SPI1: variants seen among roughly 807,000 people sequenced by gnomAD.
The protein encoded by SPI1 is transcription factor PU.1.
In SPI1, 3 loss-of-function variants were observed where a neutral mutation model predicts 30.7. That is an observed-to-expected ratio of 0.10 (90% CI 0.04 to 0.25). The LOEUF (loss-of-function observed/expected upper bound fraction) is 0.25, where lower values mean the gene tolerates loss of function less well. Among genes scored for constraint, SPI1 ranks in the 10% least tolerant of loss-of-function variants. The pLI is 1.00. For missense variants in SPI1, 261 were observed against 371.5 expected (o/e 0.70, Z 2.45); for synonymous variants, 169 against 157.1 (o/e 1.08, Z -0.56).
chr11:47,378,423 G>A lies in SPI1; in HGVS notation c.-70C>T. 1.9e-6 allele frequency: 3 copies of A among 1,545,402 alleles called. No individual in the cohort carries two copies. Among genetic ancestry groups the A allele is most frequent in the Non-Finnish European group, 2.6e-6 (3 of 1,134,578 alleles). ...CCAATGCAGAGCCCCTCAGGATGGG[G>A]TGCCCCGTCAGGGGCTGGACGGTCG... On this transcript the variant is annotated 5_prime_UTR_variant, in exon 1 of 5. Coordinates refer to ENST00000378538, the MANE Select transcript of SPI1 (RefSeq NM_003120.3).
chr11:47,371,789 T>C (rs1331908806), intron 2 of SPI1, among the ~76,000 whole-genome samples: 3 of 152,146 alleles, frequency 2.0e-5, no homozygotes, highest in Non-Finnish European at 4.4e-5. Flanking sequence ...CTTCCCATGG[T>C]GTGTATGATA....
At position 47,355,351 on chromosome 11, in the gene SPI1, C is replaced by A. The variant is rs765064980; in HGVS notation, c.689G>T (p.Arg230Leu). ...CGTCTTGCCGTAGTTGCGCAGCGCG[C>A]GCGCCATCTTCTGGTAGGTCATCTT... ...RKKMTYQKMA[R>L]ALRNYGKTGE... The change falls in exon 5 of 5, where the codon CGC becomes CTC. Residue 230 changes from arginine to leucine, a missense_variant. Physicochemically the swap from Arg to Leu is moderately radical, Grantham distance 102. Transcript: ENST00000378538. The A allele has an allele frequency of 6.2e-7, 1 of 1,613,698 alleles. No homozygotes were observed.
intron 4 of SPI1, among the ~76,000 whole-genome samples, chr11:47,356,928 C>T (rs998889434): frequency 1.1e-4 from 9 of 84,316 alleles, no homozygotes; most frequent in Non-Finnish European, 2.5e-4. Context: ...ACACACCTCA[C>T]ACCATTCACT....
Position 47,355,217 on chromosome 11 carries a change from G to A in SPI1, c.*10C>T, listed in dbSNP as rs1274709378. 3.7e-6 allele frequency: 5 copies of A among 1,354,074 alleles called. No individual in the cohort carries two copies. The highest frequency in any genetic ancestry group is 1.5e-5 in the African/African-American group (1 of 64,900). The allele number at this position is 1,354,074 out of a possible 1,614,324, so 83.9% of individuals were successfully genotyped here. On this transcript the variant is annotated 3_prime_UTR_variant, in exon 5 of 5. Transcript: ENST00000378538. ...GGGAGGCCTGGCGGGGCCCGGCGGGGGCTGCGGGCTCAGTGGGGCGGGTGG... is the reference window on the plus strand; with the variant it reads ...GGGAGGCCTGGCGGGGCCCGGCGGGAGCTGCGGGCTCAGTGGGGCGGGTGG...
chr11:47,356,372 TCAC>T (rs1565635364), intron 4 of SPI1, among the ~76,000 whole-genome samples: 1 of 145,368 alleles, frequency 6.9e-6, no homozygotes, highest in African/African-American at 2.6e-5. Context: ...CCACTCATGC[TCAC>T]ACCTCATTCA....
chr11:47,357,085 CAT>C (rs2142879337), intron 4 of SPI1, among the ~76,000 whole-genome samples: 1 of 151,724 alleles, frequency 6.6e-6, no homozygotes, highest in East Asian at 1.9e-4. Flanking sequence ...ACACTTCACA[CAT>C]GCTAACACCT....
chr11:47,366,887 G>T (rs1002816271), intron 2 of SPI1, among the ~76,000 whole-genome samples: 1 of 151,618 alleles, frequency 6.6e-6, no homozygotes, highest in Non-Finnish European at 1.5e-5. Context: ...TGAAGGTTTC[G>T]GGGCACTTGT....
chr11:47,355,153 G>C lies in SPI1; in HGVS notation c.*74C>G. ...TCTGGGCCCCGGGAGCGTCCTCCCT[G>C]TGTCCGGGCCGGGCGAGGGCTTAAT... On this transcript the variant is annotated 3_prime_UTR_variant, in exon 5 of 5. Transcript: ENST00000378538. The C allele has an allele frequency of 8.4e-7, 1 of 1,189,064 alleles. No homozygotes were observed. Among genetic ancestry groups the C allele is most frequent in the Non-Finnish European group, 1.1e-6 (1 of 944,808 alleles). The allele number at this position is 1,189,064 out of a possible 1,614,324, so 73.7% of individuals were successfully genotyped here. A position where few individuals can be genotyped will look rare whatever the true frequency, so the allele number is the denominator to read the frequency against.
At chr11:47,368,765 G>A (rs922907567) in intron 2 of SPI1, among the ~76,000 whole-genome samples, 9 of 152,278 alleles carry the variant, frequency 5.9e-5, no homozygotes, top group Admixed American at 4.6e-4. Context: ...AGGCTGGGGG[G>A]AGGGAAAATG....
rs759618208 is a variant in SPI1 at position 47,359,839 on chromosome 11, G to C, written c.330+14C>G. Reference sequence around the variant, plus strand: ...GGCAGTCTCCTGGGGGACGGGGCAGGCGGTGGCATGCACCTGGTGGCCAAG... The same window carrying C: ...GGCAGTCTCCTGGGGGACGGGGCAGCCGGTGGCATGCACCTGGTGGCCAAG... On this transcript the variant is annotated intron_variant, in intron 3 of 4. Transcript: ENST00000378538. This position sits in a 1 kb window ranked among gnomAD's most constrained non-coding sequence, Gnocchi z 5.1. The C allele has an allele frequency of 1.1e-5, 18 of 1,601,780 alleles. No homozygotes were observed. The highest frequency in any genetic ancestry group is 1.5e-5 in the Non-Finnish European group (18 of 1,179,524).
intron 2 of SPI1, among the ~76,000 whole-genome samples, chr11:47,368,555 G>A (rs372888090): frequency 7.9e-5 from 12 of 152,292 alleles, no homozygotes; most frequent in South Asian, 4.1e-4. Context: ...AAAACGTGGC[G>A]CGCGCATACA....
rs983947257 is a variant in SPI1, at chr11:47,375,959, C to G, written c.46-230G>C. 3.3e-5 allele frequency among the ~76,000 whole-genome samples: 5 copies of G among 151,914 alleles called. No homozygotes were observed. The highest frequency in any genetic ancestry group is 1.2e-4 in the African/African-American group (5 of 41,322). On this transcript the variant is annotated intron_variant, in intron 1 of 4. Transcript: ENST00000378538. This position sits in a 1 kb window ranked among gnomAD's most constrained non-coding sequence, Gnocchi z 4.2. Reference sequence around the variant, plus strand: ...TGAGAGGTCAGAAGAGGACCAGGGTCCCCCTCTGCTGGGCTACTCCCCATA... The same window carrying G: ...TGAGAGGTCAGAAGAGGACCAGGGTGCCCCTCTGCTGGGCTACTCCCCATA...
chr11:47,377,070 G>A (rs767008787), intron 1 of SPI1, among the ~76,000 whole-genome samples: 13 of 152,228 alleles, frequency 8.5e-5, no homozygotes, highest in Non-Finnish European at 1.9e-4. Flanking sequence ...CAGGTGGGAA[G>A]GGGTGTCGGT....
intron 2 of SPI1, among the ~76,000 whole-genome samples, chr11:47,370,964 A>G (rs2095934879): frequency 1.3e-5 from 2 of 152,194 alleles, no homozygotes; most frequent in Non-Finnish European, 2.9e-5. Context: ...TGAAAAATCA[A>G]GCTGCCTGAC....
intron 4 of SPI1, chr11:47,358,323 A>T (rs532031251): frequency 5.3e-6 from 3 of 561,656 alleles, no homozygotes; most frequent in African/African-American, 3.8e-5. Context: ...ACAGCCACTC[A>T]CATATACCAT....
At chr11:47,373,995 C>T (rs1334179337) in intron 2 of SPI1, among the ~76,000 whole-genome samples, 1 of 152,186 alleles carries the variant, frequency 6.6e-6, no homozygotes, top group Admixed American at 6.5e-5. Context: ...AGGAAACGCA[C>T]CCAAGCCCAG....
At chr11:47,373,408 G>GGTA (rs2095938413) in intron 2 of SPI1, among the ~76,000 whole-genome samples, 1 of 152,018 alleles carries the variant, frequency 6.6e-6, no homozygotes. Context: ...AGCACTTTGG[G>GGTA]AGGCCGAGGC....
chr11:47,355,814 C>T (rs1220651867), intron 4 of SPI1, among the ~76,000 whole-genome samples: 1 of 149,918 alleles, frequency 6.7e-6, no homozygotes, highest in Non-Finnish European at 1.5e-5. Flanking sequence ...CACAGTGCAC[C>T]AAGTACACAC....
At chr11:47,360,324 A>T (rs765256361) in intron 2 of SPI1, among the ~76,000 whole-genome samples, 3 of 152,158 alleles carry the variant, frequency 2.0e-5, no homozygotes, top group Non-Finnish European at 4.4e-5. Context: ...ATTCCTGTGC[A>T]GTCACACAGA....
Sources: allele counts gnomAD v4.1 joint callset (sites outside exome capture counted in the v4.1 genomes callset), GRCh38; gene constraint gnomAD v4.1.1; non-coding constraint Gnocchi (gnomAD v3.1); transcripts MANE v1.5; gene names NCBI Gene and HGNC (gene_info 2026-07-23, HGNC 2026-07-21).